Variants in AMT observed in about 807,000 individuals in gnomAD.
AMT encodes aminomethyltransferase, also known as aminomethyltransferase, mitochondrial.
Under a neutral mutation model 39.5 loss-of-function variants are expected in AMT, and 24 were observed. That is an observed-to-expected ratio of 0.61 (90% CI 0.44 to 0.86). The LOEUF (loss-of-function observed/expected upper bound fraction) is 0.86. Ranked by LOEUF, AMT falls within the 40% of genes least tolerant of loss-of-function variation. AMT has a pLI of 0.00. For synonymous variants in AMT, 210 were observed against 212.1 expected, an observed-to-expected ratio of 0.99 and a Z score of 0.09; for missense variants, 501 against 537.0, an observed-to-expected ratio of 0.93 and a Z score of 0.66.
At chr3:49,421,995 G>A (rs2049111277) in intron 2 of AMT, 109 bp downstream of exon 2, 10 of 1,509,442 alleles carry the variant, frequency 6.6e-6, no homozygotes, top group African/African-American at 1.4e-5. Context: ...TAGCTCTTCT[G>A]AGAAGGCTGT....
rs2049127393 is a variant in AMT, at chr3:49,422,468, G to A, written c.-18C>T. On this transcript the variant is annotated 5_prime_UTR_variant, in exon 1 of 9. Transcript: ENST00000273588. ...CTCTGCATCGTCGCCTGCAACGAGT[G>A]CAGACGGCGCACAGAGGCCACCACA... is the stretch of plus-strand genomic sequence containing the variant. 6.2e-7 allele frequency: 1 copy of A among 1,610,606 alleles called. No individual in the cohort carries two copies. The highest frequency in any genetic ancestry group is 8.5e-7 in the Non-Finnish European group (1 of 1,178,616).
At position 49,418,865 on chromosome 3, in the gene AMT, G is replaced by A. The variant is rs1196388555; in HGVS notation, c.877+106C>T. 2.4e-6 allele frequency: 3 copies of A among 1,269,036 alleles called. No individual in the cohort carries two copies. In the South Asian group the frequency reaches 3.7e-5, roughly 16 times the overall value. 78.6% of individuals were successfully genotyped at this position (1,269,036 alleles called of 1,614,324 possible). A position where few individuals can be genotyped will look rare whatever the true frequency, so the allele number is the denominator to read the frequency against. ...GCACCTTCAGGGAAGGGAGGCTCAG[G>A]AAGGCTTCAGGCTACATAACCTTTG... is the stretch of plus-strand genomic sequence containing the variant. On this transcript the variant is annotated intron_variant, in intron 7 of 8. Transcript: ENST00000273588.
At chr3:49,418,708 T>C in intron 7 of AMT, 1 of 445,360 alleles carries the variant, frequency 2.2e-6, no homozygotes, top group Non-Finnish European at 4.2e-6. Context: ...GGTTTCACCA[T>C]GTTAGCCAGG....
chr3:49,418,073 G>T (rs1423877359), intron 7 of AMT, 100 bp from the exon 8 acceptor site: 12 of 1,451,156 alleles, frequency 8.3e-6, no homozygotes, highest in Non-Finnish European at 1.1e-5. Flanking sequence ...TAGCATCAAG[G>T]CCCCTTTGCT....
At chr3:49,420,807 T>A in intron 3 of AMT, 1 of 224,818 alleles carries the variant, frequency 4.4e-6, no homozygotes, top group Non-Finnish European at 9.0e-6. Flanking sequence ...AAGCCTGAGG[T>A]TGAGGGGGTC....
In AMT at chr3:49,420,247, G is replaced by A. The variant is rs1318110345; in HGVS notation, c.435C>T (p.Asn145=). The A allele has an allele frequency of 6.2e-6, 10 of 1,614,086 alleles. No homozygotes were observed. Among genetic ancestry groups the A allele is most frequent in the Admixed American group, 1.7e-5 (1 of 60,002 alleles). The change falls in exon 4 of 9, where the codon AAC becomes AAT. Residue 145 remains asparagine (N), a synonymous_variant. Coordinates refer to ENST00000273588, the MANE Select transcript of AMT (RefSeq NM_000481.4). The part of the protein sequence containing the change: ...TSEGHLYVVS[N]AGCWEKDLAL... ...CCAAATCTTTCTCCCAGCAGCCAGC[G>A]TTGGACACCACATACAGGTGGCCCT... is the stretch of plus-strand genomic sequence containing the variant.
At chr3:49,419,912 G>A (rs995203162) in intron 4 of AMT, 124 bp from the exon 5 acceptor site, 2 of 985,074 alleles carry the variant, frequency 2.0e-6, no homozygotes, top group African/African-American at 1.6e-5. Flanking sequence ...GAAAAAAAAA[G>A]GTAGTAGGCT....
chr3:49,421,377 G>T (rs2049099376), intron 3 of AMT, 115 bp downstream of exon 3: 9 of 805,958 alleles, frequency 1.1e-5, no homozygotes, highest in Non-Finnish European at 2.0e-5. Flanking sequence ...AAGACTGCAA[G>T]CCCTGAGAAG....
chr3:49,419,780 G>C lies in AMT; in HGVS notation c.480C>G (p.Val160=). Residue 160 remains valine (V), a synonymous_variant, in exon 5 of 9, where the codon GTC becomes GTG. Transcript: ENST00000273588. ...CTCTGCCCTGGTTCTGAAGCTCCCT[G>C]ACCTTGTCCTAAAAGACAGAAACAC... The part of the protein sequence containing the change: ...EKDLALMQDK[V]RELQNQGRDV... 6.2e-7 allele frequency: 1 copy of C among 1,614,078 alleles called. No individual in the cohort carries two copies. Among genetic ancestry groups the C allele is most frequent in the Non-Finnish European group, 8.5e-7 (1 of 1,180,010 alleles).
At chr3:49,417,760 A>C in intron 8 of AMT, 42 bp from the exon 9 acceptor site, 2 of 1,614,034 alleles carry the variant, frequency 1.2e-6, no homozygotes, top group Non-Finnish European at 1.7e-6. Context: ...CCACCCTGCC[A>C]GTGCCCCCAC....
rs751804881 is a variant in AMT at position 49,419,349 on chromosome 3, G to A, written c.607C>T (p.Pro203Ser). The change falls in exon 6 of 9, where the codon CCC (proline) becomes TCC (serine). Residue 203 changes from proline to serine, a missense_variant. Physicochemically the swap from Pro to Ser is moderately conservative, Grantham distance 74. Transcript: ENST00000273588. The stretch of plus-strand genomic sequence containing the variant: ...TCCATCACAGCACTGGTCATGAAGG[G>A]CAGTTTCCTCAGGTCATCTGCCACG... ...AGVADDLRKL[P>S]FMTSAVMEVF... 6.2e-7 allele frequency: 1 copy of A among 1,614,172 alleles called. No homozygotes were observed. Among genetic ancestry groups the A allele is most frequent in the East Asian group, 2.2e-5 (1 of 44,890 alleles).
rs2049047237 is a variant in AMT at position 49,418,850 on chromosome 3, G to T, written c.877+121C>A. ...GGCAAAGGCACAGTGGCACCTTCAG[G>T]GAAGGGAGGCTCAGGAAGGCTTCAG... On this transcript the variant is annotated intron_variant, in intron 7 of 8. Transcript: ENST00000273588. The T allele has an allele frequency of 3.6e-6, 4 of 1,102,504 alleles. No homozygotes were observed. The African/African-American group carries it at 6.2e-5, about 17-fold the overall frequency. 68.3% of individuals were successfully genotyped at this position (1,102,504 alleles called of 1,614,324 possible).
chr3:49,422,154 G>C lies in AMT; in HGVS notation c.208C>G (p.Leu70Val). 6.2e-7 allele frequency: 1 copy of C among 1,613,894 alleles called. No individual in the cohort carries two copies. ...AGCGAGCAGTGCTGGCGTGTGTGCAGGTGCGAGTCAGTGTGACTGTCCCGG... is the reference window on the plus strand; with the variant it reads ...AGCGAGCAGTGCTGGCGTGTGTGCACGTGCGAGTCAGTGTGACTGTCCCGG... The part of the protein sequence containing the change: ...QYRDSHTDSH[L>V]HTRQHCSLFD... Residue 70 changes from leucine to valine, a missense_variant, in exon 2 of 9, where the codon CTG (leucine) becomes GTG (valine). Coordinates refer to ENST00000273588, the MANE Select transcript of AMT (RefSeq NM_000481.4).
chr3:49,418,832 G>T, intron 7 of AMT, 139 bp downstream of exon 7: 1 of 917,416 alleles, frequency 1.1e-6, no homozygotes, highest in Non-Finnish European at 1.8e-6. Context: ...ATGGGCAAAG[G>T]CACAGTGGCA....
rs1443089350 is a variant in AMT, at chr3:49,422,344, A to G, written c.90+17T>C. ...CTTCCCTCCCCCACCCTCCAAGATC[A>G]GCACCCTCTATCCCACCTGTGCGCA... is the stretch of plus-strand genomic sequence containing the variant. On this transcript the variant is annotated intron_variant, in intron 1 of 8. Transcript: ENST00000273588. The G allele has an allele frequency of 6.2e-7, 1 of 1,609,198 alleles. No homozygotes were observed. Among genetic ancestry groups the G allele is most frequent in the African/African-American group, 1.4e-5 (1 of 73,300 alleles).
Position 49,417,852 on chromosome 3 carries a change from G to A in AMT, c.999C>T (p.His333=). 1 of 1,614,078 alleles carries A rather than the reference G, an allele frequency of 6.2e-7. No homozygotes were observed. The highest frequency in any genetic ancestry group is 8.5e-7 in the Non-Finnish European group (1 of 1,180,020). ...LMCEGAPMRA[H]SPILNMEGTK... ...TACCCTCCATGTTCAGGATGGGACTGTGTGCCCGCATGGGGGCCCCCTCAC... is the reference window on the plus strand; with the variant it reads ...TACCCTCCATGTTCAGGATGGGACTATGTGCCCGCATGGGGGCCCCCTCAC... The change falls in exon 8 of 9, where the codon CAC becomes CAT. Residue 333 remains histidine (H), a synonymous_variant. Transcript: ENST00000273588.
Position 49,417,354 on chromosome 3 carries a change from G to C in AMT, c.*186C>G, listed in dbSNP as rs1169941965. ...GAGCTGGTCCGTCACTCAGAAGCAG[G>C]GTCCTGAAGGAAGCTGGAATGGCAT... On this transcript the variant is annotated 3_prime_UTR_variant, in exon 9 of 9. Coordinates refer to ENST00000273588, the MANE Select transcript of AMT (RefSeq NM_000481.4). 1 of 1,597,088 alleles carries C rather than the reference G, an allele frequency of 6.3e-7. No individual in the cohort carries two copies. Among genetic ancestry groups the C allele is most frequent in the Non-Finnish European group, 8.5e-7 (1 of 1,176,252 alleles).
At position 49,419,000 on chromosome 3, in the gene AMT, G is replaced by A. The variant is rs1278877936; in HGVS notation, c.848C>T (p.Pro283Leu). The A allele has an allele frequency of 1.9e-6, 3 of 1,613,954 alleles. No individual in the cohort carries two copies. The highest frequency in any genetic ancestry group is 2.2e-5 in the South Asian group (2 of 91,072). Residue 283 changes from proline (P) to leucine (L), a missense_variant, in exon 7 of 9, where the codon CCT becomes CTT. Pro to Leu is a moderately conservative substitution (Grantham distance 98). Transcript: ENST00000273588. The part of the protein sequence containing the change: ...YGNDIDEHTT[P>L]VEGSLSWTLG... The stretch of plus-strand genomic sequence containing the variant: ...TGTCCAACTGAGGCTGCCCTCCACA[G>A]GTGTAGTGTGTTCATCAATGTCATT...
rs752952950 is a variant in AMT at position 49,417,550 on chromosome 3, G to T, written c.1202C>A (p.Thr401Asn). The T allele has an allele frequency of 8.7e-6, 14 of 1,614,042 alleles. 1 individual carries two copies. Among genetic ancestry groups the T allele is most frequent in the Admixed American group, 5.0e-5 (3 of 59,996 alleles). The change falls in exon 9 of 9, where the codon ACC becomes AAC. Residue 401 changes from threonine (T) to asparagine (N), a missense_variant. Transcript: ENST00000273588. ...CACCCTGAGCCAGCTTCACTTGAGG[G>T]TATAGTAGTTTGTGGGCACAAAGGG... ...KMPFVPTNYY[T>N]LK
Sources: allele counts gnomAD v4.1 joint callset, GRCh38; gene constraint gnomAD v4.1.1; transcripts MANE v1.5; gene names NCBI Gene and HGNC (gene_info 2026-07-23, HGNC 2026-07-21).